Variants in DNAH6 observed in about 807,000 individuals in gnomAD.
DNAH6 encodes axonemal beta dynein heavy chain 6.
Under a neutral mutation model 491.4 loss-of-function variants are expected in DNAH6, and 340 were observed. That is an observed-to-expected ratio of 0.69 (90% confidence interval 0.63 to 0.76). DNAH6 has a LOEUF of 0.76. Among genes scored for constraint, DNAH6 ranks in the 30% least tolerant of loss-of-function variants. The pLI, the probability that DNAH6 is intolerant of heterozygous loss-of-function variation, is 0.00. For missense variants in DNAH6, 4,443 were observed against 4,972.2 expected, an observed-to-expected ratio of 0.89 and a Z score of 3.20; for synonymous variants, 1,603 against 1,686.1, an observed-to-expected ratio of 0.95 and a Z score of 1.21.
At chr2:84,747,063 G>A (rs1047662676) in intron 63 of DNAH6, among the ~76,000 whole-genome samples, 1 of 152,066 alleles carries the variant, frequency 6.6e-6, no homozygotes, top group African/African-American at 2.4e-5. Flanking sequence ...TCAATATTGG[G>A]GATCACATTT....
chr2:84,687,292 G>A (rs1694361807), intron 44 of DNAH6, among the ~76,000 whole-genome samples: 1 of 152,122 alleles, frequency 6.6e-6, no homozygotes, highest in African/African-American at 2.4e-5. Context: ...TCTTGTTCGA[G>A]TAAAACATTC....
chr2:84,757,974 T>G (rs1342598012), intron 63 of DNAH6, among the ~76,000 whole-genome samples: 1 of 152,218 alleles, frequency 6.6e-6, no homozygotes, highest in Non-Finnish European at 1.5e-5. Context: ...ATGTATTGGG[T>G]GACTAGAGCC....
chr2:84,485,913 C>A, the DNAH6 span, among the ~76,000 whole-genome samples: 1 of 151,656 alleles, frequency 6.6e-6, no homozygotes, highest in Non-Finnish European at 1.5e-5. Context: ...CCCCAAACTC[C>A]AACCTCCTAA....
At chr2:84,711,489 A>G (rs1305032300) in intron 56 of DNAH6, among the ~76,000 whole-genome samples, 1 of 152,246 alleles carries the variant, frequency 6.6e-6, no homozygotes, top group African/African-American at 2.4e-5. Context: ...CACCTGCATG[A>G]TGACTAGGAA....
At chr2:84,604,906 A>C (rs1051524667) in intron 19 of DNAH6, among the ~76,000 whole-genome samples, 16 of 152,230 alleles carry the variant, frequency 1.1e-4, no homozygotes, top group Admixed American at 3.3e-4. Context: ...CCTAGTTATG[A>C]TACTATCTCC....
intron 11 of DNAH6, among the ~76,000 whole-genome samples, chr2:84,561,515 C>T (rs1680672094): frequency 6.6e-6 from 1 of 152,126 alleles, no homozygotes; most frequent in Admixed American, 6.5e-5. Context: ...AAAGCAATGG[C>T]AACAAAAGCC....
intron 46 of DNAH6, among the ~76,000 whole-genome samples, chr2:84,696,621 A>G (rs1197188845): frequency 6.6e-6 from 1 of 152,068 alleles, no homozygotes; most frequent in Non-Finnish European, 1.5e-5. Flanking sequence ...GAAAATTGAC[A>G]GACACAATTA....
chr2:84,705,523 TCTAA>T lies in DNAH6; in HGVS notation c.8506_8509del (p.Asn2836PhefsTer2), dbSNP rs1696345489. ...ATCAGCAAAGCAACTTCTTGGTGACTCTAACTTTCTAAAAAGGCTTTTAGAATAT... is the reference window on the plus strand; with the variant it reads ...ATCAGCAAAGCAACTTCTTGGTGACTCTTTCTAAAAAGGCTTTTAGAATAT... On this transcript the variant is annotated frameshift_variant, in exon 52 of 77. Coordinates refer to ENST00000389394, the MANE Select transcript of DNAH6 (RefSeq NM_001370.2). LOFTEE classifies it high-confidence loss of function. 6.4e-7 allele frequency: 1 copy of T among 1,551,022 alleles called. No homozygotes were observed. The highest frequency in any genetic ancestry group is 2.0e-5 in the Admixed American group (1 of 50,866).
intron 62 of DNAH6, among the ~76,000 whole-genome samples, chr2:84,738,609 C>T (rs1050192786): frequency 1.3e-5 from 2 of 152,028 alleles, no homozygotes; most frequent in Admixed American, 1.3e-4. Flanking sequence ...CCTTCTTTGT[C>T]CTTTTTTATT....
At chr2:84,809,049 T>C (rs1679712790) in intron 72 of DNAH6, among the ~76,000 whole-genome samples, 1 of 152,160 alleles carries the variant, frequency 6.6e-6, no homozygotes. Flanking sequence ...GAATATGAAT[T>C]TTAAATAAAC....
intron 48 of DNAH6, 90 bp downstream of exon 48, chr2:84,699,824 C>CAA: frequency 1.6e-6 from 2 of 1,234,960 alleles, no homozygotes; most frequent in Non-Finnish European, 2.2e-6. Context: ...CTCATGGGTA[C>CAA]TTGTATTAGC....
At chr2:84,485,033 A>G in the DNAH6 span, among the ~76,000 whole-genome samples, 1 of 152,264 alleles carries the variant, frequency 6.6e-6, no homozygotes, top group Non-Finnish European at 1.5e-5. Flanking sequence ...AGTCTAACTC[A>G]GAAGATAAGG....
At chr2:84,598,819 C>G (rs554989895) in intron 18 of DNAH6, among the ~76,000 whole-genome samples, 2 of 152,046 alleles carry the variant, frequency 1.3e-5, no homozygotes, top group African/African-American at 4.8e-5. Context: ...ATCACGAGGT[C>G]AAGAGATCAA....
intron 33 of DNAH6, among the ~76,000 whole-genome samples, 169 bp downstream of exon 33, chr2:84,642,223 T>C (rs559213267): frequency 1.3e-5 from 2 of 152,346 alleles, no homozygotes; most frequent in South Asian, 4.1e-4. Context: ...ATACTAAAGT[T>C]TGGGCATAAT....
chr2:84,580,982 A>T (rs12714135), intron 14 of DNAH6, among the ~76,000 whole-genome samples: 2 of 152,166 alleles, frequency 1.3e-5, no homozygotes, highest in Non-Finnish European at 2.9e-5. Flanking sequence ...GCAGACAGCT[A>T]CTTCTGCTTC....
In DNAH6 at chr2:84,557,748, G is replaced by C; in HGVS notation, c.1616G>C (p.Gly539Ala). 6.3e-7 allele frequency: 1 copy of C among 1,587,526 alleles called. No individual in the cohort carries two copies. Among genetic ancestry groups the C allele is most frequent in the Non-Finnish European group, 8.6e-7 (1 of 1,162,970 alleles). The change falls in exon 11 of 77, where the codon GGT becomes GCT. Residue 539 changes from glycine (G) to alanine (A), a missense_variant. Physicochemically the swap from Gly to Ala is moderately conservative, Grantham distance 60. This residue lies in a region of DNAH6 where 2,977 missense variants were observed against 3,296.6 expected (regional missense o/e 0.90). Coordinates refer to ENST00000389394, the MANE Select transcript of DNAH6 (RefSeq NM_001370.2). ...TCTCTTTAACAGGATGGTATTTTGG[G>C]TGCAGTTAATCACTGTCAAAACACT... Reference protein sequence around the residue: ...SLEDFLDGILGAVNHCQNTVL... With the variant: ...SLEDFLDGILAAVNHCQNTVL...
the DNAH6 span, among the ~76,000 whole-genome samples, chr2:84,510,647 G>A: frequency 5.3e-5 from 8 of 152,092 alleles, no homozygotes; most frequent in South Asian, 2.1e-4. Flanking sequence ...GAGGAGAGGC[G>A]CTCTGATTTT....
intron 7 of DNAH6, 47 bp downstream of exon 7, chr2:84,547,659 A>G (rs1363968934): frequency 3.3e-6 from 5 of 1,522,516 alleles, no homozygotes; most frequent in Non-Finnish European, 4.4e-6. Context: ...GTGGCTTTCT[A>G]AAATTTCAGC....
chr2:84,715,042 CTTTA>C lies in DNAH6; in HGVS notation c.9544-514_9544-511del, dbSNP rs372960533. The stretch of plus-strand genomic sequence containing the variant: ...ATGTTATTAGACAAAACATATAAAA[CTTTA>C]TTTGTTTATCAATAATAGCTTCTTT... On this transcript the variant is annotated intron_variant, in intron 57 of 76. Coordinates refer to ENST00000389394, the MANE Select transcript of DNAH6 (RefSeq NM_001370.2). Among the ~76,000 whole-genome samples the C allele has an allele frequency of 4.1e-3, 621 of 151,890 alleles. 3 individuals are homozygous for C. Among genetic ancestry groups the C allele is most frequent in the African/African-American group, 0.014 (581 of 41,430 alleles).
Sources: gnomAD v4.1 joint callset for allele counts (sites outside exome capture counted in the v4.1 genomes callset) on GRCh38, gnomAD v4.1.1 for gene constraint, gnomAD v4.1.1 regional missense constraint, MANE v1.5 for transcripts, NCBI Gene and HGNC (gene_info 2026-07-23, HGNC 2026-07-21) for gene names.